CFAP20DC: variants seen among roughly 807,000 people sequenced by gnomAD.
CFAP20DC encodes CFAP20 domain containing.
A neutral mutation model predicts 101.7 loss-of-function variants in CFAP20DC; 84 were observed. That is an observed-to-expected ratio of 0.83 (90% CI 0.69 to 0.99). The LOEUF (loss-of-function observed/expected upper bound fraction) is 0.99, where lower values mean the gene tolerates loss of function less well. Among genes scored for constraint, CFAP20DC ranks in the 50% least tolerant of loss-of-function variants. The probability of loss-of-function intolerance (pLI) is 0.00; values close to 1 mark genes in which losing one functional copy is unlikely to be tolerated. For synonymous variants in CFAP20DC, 359 were observed against 351.2 expected (o/e 1.02, Z -0.25); for missense variants, 1,007 against 970.3 (o/e 1.04, Z -0.50).
In CFAP20DC at chr3:58,944,387, G is replaced by C. The variant is rs917888488; in HGVS notation, c.279-6625C>G. On this transcript the variant is annotated intron_variant, in intron 4 of 16. Transcript: ENST00000482387. The stretch of plus-strand genomic sequence containing the variant: ...TATTCATTTTCTATTTTACAGATGA[G>C]AAAATAAGACTCCAGAAATTACCAG... Among the ~76,000 whole-genome samples the C allele has an allele frequency of 7.2e-5, 11 of 152,126 alleles. No individual in the cohort carries two copies. In the East Asian group the frequency reaches 2.1e-3, roughly 29 times the overall value.
chr3:58,727,483 C>G (rs1333754080), intron 3 of CFAP20DC: 3 of 152,438 alleles, frequency 2.0e-5, no homozygotes, highest in Non-Finnish European at 4.4e-5. Flanking sequence ...GTTGCCCAGG[C>G]TGGAGTGCAG....
intron 15 of CFAP20DC, among the ~76,000 whole-genome samples, chr3:58,755,129 A>AAAAGCATATT (rs1341866332): frequency 6.6e-6 from 1 of 152,198 alleles, no homozygotes; most frequent in East Asian, 1.9e-4. Flanking sequence ...TTCCAGCATA[A>AAAAGCATATT]AAAGCATATT....
intron 5 of CFAP20DC, among the ~76,000 whole-genome samples, chr3:58,929,129 G>A (rs116074716): frequency 0.021 from 3,149 of 152,242 alleles, 47 homozygotes; most frequent in Middle Eastern, 0.058. Flanking sequence ...TATCGAATAT[G>A]AAAGACCTTT....
Position 58,731,128 on chromosome 3 carries a change from T to C in CFAP20DC, c.198-13500A>G, listed in dbSNP as rs555586332. Among the ~76,000 whole-genome samples, 21 of 152,354 alleles carry C rather than the reference T, an allele frequency of 1.4e-4. No homozygotes were observed. The East Asian group carries it at 3.9e-3, about 28-fold the overall frequency. On this transcript the variant is annotated intron_variant, in intron 3 of 3. Coordinates refer to the CFAP20DC transcript ENST00000486145. ...ATTACACTAATCTTAGCAAAGATAA[T>C]TTTCTGAAACTTTCCTTTCGTGGAT...
chr3:59,023,127 T>C (rs995925141), intron 4 of CFAP20DC, among the ~76,000 whole-genome samples: 26 of 151,926 alleles, frequency 1.7e-4, no homozygotes, highest in African/African-American at 6.3e-4. Context: ...AACACTTTCT[T>C]AGTCCTGTTC....
chr3:58,917,792 G>A (rs944036244), intron 5 of CFAP20DC, among the ~76,000 whole-genome samples: 1 of 152,150 alleles, frequency 6.6e-6, no homozygotes, highest in Admixed American at 6.5e-5. Flanking sequence ...TATTACTAAT[G>A]TATTAAAAAC....
chr3:59,007,360 T>G lies in CFAP20DC; in HGVS notation c.278+32197A>C, dbSNP rs118062873. On this transcript the variant is annotated intron_variant, in intron 4 of 16. Transcript: ENST00000482387. The surrounding 1 kb of genome is among the most constrained non-coding windows in gnomAD (Gnocchi z 4.4). Reference sequence around the variant, plus strand: ...TCCCCTGGCCAACTTAAGAGTAAGCTTAGATCTCCCTTCTACTACTGCAGC... The same window carrying G: ...TCCCCTGGCCAACTTAAGAGTAAGCGTAGATCTCCCTTCTACTACTGCAGC... 8.5e-5 allele frequency among the ~76,000 whole-genome samples: 13 copies of G among 152,294 alleles called. No individual in the cohort carries two copies. In the East Asian group the frequency reaches 2.5e-3, roughly 29 times the overall value.
chr3:59,020,391 C>T (rs1227838870), intron 4 of CFAP20DC, among the ~76,000 whole-genome samples: 1 of 152,014 alleles, frequency 6.6e-6, no homozygotes, highest in Admixed American at 6.6e-5. Context: ...GCACAAGAGA[C>T]AAGGATAGGA....
Position 58,717,909 on chromosome 3 carries a change from T to C in CFAP20DC, c.198-281A>G, listed in dbSNP as rs969104636. On this transcript the variant is annotated intron_variant, in intron 3 of 3. Transcript: ENST00000486145. The surrounding 1 kb of genome is among the most constrained non-coding windows in gnomAD (Gnocchi z 4.1). ...GGAGAAAATTGGGTAAACTAACCAA[T>C]GATGCCAGTCATGACTGATGTAGGG... Among the ~76,000 whole-genome samples the C allele has an allele frequency of 1.3e-5, 2 of 152,222 alleles. No individual in the cohort carries two copies. Among genetic ancestry groups the C allele is most frequent in the African/African-American group, 2.4e-5 (1 of 41,454 alleles).
downstream of CFAP20DC, among the ~76,000 whole-genome samples, chr3:58,740,883 CA>C (rs1345045153): frequency 6.6e-6 from 1 of 152,136 alleles, no homozygotes; most frequent in Non-Finnish European, 1.5e-5. This position sits in a 1 kb window ranked among gnomAD's most constrained non-coding sequence, Gnocchi z 4.6. Flanking sequence ...ACTCTTTTAT[CA>C]TTTTGCATGC....
chr3:59,017,963 T>C (rs1391140131), intron 4 of CFAP20DC: 2 of 151,790 alleles, frequency 1.3e-5, no homozygotes, highest in African/African-American at 4.8e-5. Context: ...CAAACAAGAG[T>C]CATAAAAGTC....
At chr3:58,949,949 G>C (rs2108014609) in intron 4 of CFAP20DC, among the ~76,000 whole-genome samples, 1 of 152,196 alleles carries the variant, frequency 6.6e-6, no homozygotes, top group East Asian at 1.9e-4. Flanking sequence ...GGAAATAAAG[G>C]GCATTCAATT....
chr3:58,979,448 G>C (rs2092426328), intron 4 of CFAP20DC, among the ~76,000 whole-genome samples: 1 of 152,168 alleles, frequency 6.6e-6, no homozygotes, highest in East Asian at 1.9e-4. Context: ...TCATATTCTA[G>C]AACTTTGAGG....
rs2067511875 is a variant in CFAP20DC at position 58,724,061 on chromosome 3, G to A, written c.198-6433C>T. Among the ~76,000 whole-genome samples, 1 of 152,174 alleles carries A rather than the reference G, an allele frequency of 6.6e-6. No homozygotes were observed. Among genetic ancestry groups the A allele is most frequent in the Non-Finnish European group, 1.5e-5 (1 of 68,030 alleles). ...AGATACAAATCCTTCATTCCAGGAT[G>A]CTGAGGTTTAATCCCTTTGAAAGGA... On this transcript the variant is annotated intron_variant, in intron 3 of 3. Coordinates refer to the CFAP20DC transcript ENST00000486145. This position sits in a 1 kb window ranked among gnomAD's most constrained non-coding sequence, Gnocchi z 5.6.
At chr3:59,030,514 A>G (rs2093970532) in intron 4 of CFAP20DC, among the ~76,000 whole-genome samples, 1 of 152,274 alleles carries the variant, frequency 6.6e-6, no homozygotes, top group Non-Finnish European at 1.5e-5. Context: ...TCTTTAATCC[A>G]TAAGATATCT....
chr3:58,945,928 C>T (rs1007776004), intron 4 of CFAP20DC, among the ~76,000 whole-genome samples: 36 of 151,814 alleles, frequency 2.4e-4, no homozygotes, highest in African/African-American at 8.5e-4. Flanking sequence ...ATCTCCTGAC[C>T]TCGTGATCGG....
chr3:58,999,736 T>C (rs887691514), intron 4 of CFAP20DC, among the ~76,000 whole-genome samples: 2 of 151,692 alleles, frequency 1.3e-5, no homozygotes, highest in Non-Finnish European at 1.5e-5. Context: ...ACTCTGAAAA[T>C]TTAGTATAGA....
At chr3:58,932,560 C>A (rs1242592543) in intron 5 of CFAP20DC, among the ~76,000 whole-genome samples, 1 of 152,156 alleles carries the variant, frequency 6.6e-6, no homozygotes, top group Non-Finnish European at 1.5e-5. Flanking sequence ...GCCCATCAGA[C>A]TAACAGCTGT....
intron 4 of CFAP20DC, among the ~76,000 whole-genome samples, chr3:59,027,441 CACCAGAGGGTCTCAGTGTTTTCA>C (rs2109047834): frequency 6.6e-6 from 1 of 152,278 alleles, no homozygotes; most frequent in Admixed American, 6.5e-5. Flanking sequence ...ACATGATGCA[CACCAGAGGGTCTCAGTGTTTTCA>C]ACCCATTTAT....
Sources: allele counts gnomAD v4.1 joint callset (sites outside exome capture counted in the v4.1 genomes callset), GRCh38; gene constraint gnomAD v4.1.1; non-coding constraint Gnocchi (gnomAD v3.1); transcripts MANE v1.5; gene names NCBI Gene and HGNC (gene_info 2026-07-23, HGNC 2026-07-21).